Variants in ZNF761 observed in about 807,000 individuals in gnomAD.
ZNF761 encodes zinc finger protein 761.
A neutral mutation model predicts 59.9 loss-of-function variants in ZNF761; 43 were observed. The observed-to-expected ratio is 0.72, with a 90% CI of 0.56 to 0.92. ZNF761 has a LOEUF of 0.92. Ranked by LOEUF, ZNF761 falls within the 40% of genes least tolerant of loss-of-function variation. ZNF761 has a pLI of 0.00. For missense variants in ZNF761, 850 were observed against 906.1 expected (o/e 0.94, Z 0.79); for synonymous variants, 294 against 304.8 (o/e 0.96, Z 0.37).
Position 53,457,031 on chromosome 19 carries a change from C to T in ZNF761, c.*283C>T. 3 of 631,104 alleles carry T rather than the reference C, an allele frequency of 4.8e-6. No individual in the cohort carries two copies. The highest frequency in any genetic ancestry group is 3.4e-5 in the East Asian group (1 of 29,294). 39.1% of individuals were successfully genotyped at this position (631,104 alleles called of 1,614,324 possible). A position where few individuals can be genotyped will look rare whatever the true frequency, so the allele number is the denominator to read the frequency against. ...ACAAGGCTTTTGGGCATGATTCGCA[C>T]CTGGCACAACATGCTAGAATTCACA... On this transcript the variant is annotated 3_prime_UTR_variant, in exon 5 of 5. Transcript: ENST00000684525.
chr19:53,449,866 G>A lies in ZNF761; in HGVS notation c.142+228G>A, dbSNP rs2086201460. 3.5e-5 allele frequency: 35 copies of A among 999,880 alleles called. No homozygotes were observed. In the South Asian group the frequency reaches 5.7e-4, roughly 16 times the overall value. The allele number at this position is 999,880 out of a possible 1,614,324, so 61.9% of individuals were successfully genotyped here. On this transcript the variant is annotated intron_variant, in intron 4 of 4. Transcript: ENST00000684525. ...CATGTTTGGGCAAATTTTTTAGTTT[G>A]TTTTCTTTCCAGACAGGGTCTTGCT...
intron 1 of ZNF761, among the ~76,000 whole-genome samples, chr19:53,435,395 C>T (rs1249315081): frequency 7.0e-6 from 1 of 141,968 alleles, no homozygotes; most frequent in African/African-American, 2.7e-5. Context: ...ACCTCCACCT[C>T]CTGGGTTCAA....
At chr19:53,453,148 C>G (rs896355687) in intron 4 of ZNF761, among the ~76,000 whole-genome samples, 1 of 152,048 alleles carries the variant, frequency 6.6e-6, no homozygotes, top group East Asian at 1.9e-4. Flanking sequence ...ATTACAGGCA[C>G]CCACCACCAC....
intron 3 of ZNF761, 112 bp from the exon 4 acceptor site, chr19:53,449,400 G>A: frequency 6.2e-7 from 1 of 1,606,734 alleles, no homozygotes; most frequent in Non-Finnish European, 8.5e-7. Flanking sequence ...ACTCAGATTT[G>A]TTAGAACATT....
chr19:53,432,912 C>T (rs2085988199), intron 1 of ZNF761, among the ~76,000 whole-genome samples: 1 of 151,528 alleles, frequency 6.6e-6, no homozygotes, highest in Non-Finnish European at 1.5e-5. Context: ...GGAGGCTCAT[C>T]AGGGTGAGGG....
At chr19:53,444,565 G>A (rs8102929) in intron 1 of ZNF761, 124,256 of 152,116 alleles carry the variant, frequency 0.82, 50,874 homozygotes, top group South Asian at 0.88. Context: ...TCACTGAGAT[G>A]GTAGAGAGAG....
intron 1 of ZNF761, among the ~76,000 whole-genome samples, chr19:53,434,728 G>A (rs2086019005): frequency 6.6e-6 from 1 of 152,194 alleles, no homozygotes; most frequent in South Asian, 2.1e-4. Flanking sequence ...TTCGGGGGAA[G>A]AGTCAGTTAG....
chr19:53,432,057 C>T (rs1241594566), intron 1 of ZNF761, 29 bp downstream of exon 1: 1 of 152,574 alleles, frequency 6.6e-6, no homozygotes, highest in Non-Finnish European at 1.5e-5. Context: ...TGTATTAAGT[C>T]TGCTCTTCCA....
Position 53,456,237 on chromosome 19 carries a change from C to A in ZNF761, c.1730C>A (p.Pro577His), listed in dbSNP as rs1168350460. The change falls in exon 5 of 5, where the codon CCT becomes CAT. Residue 577 changes from proline to histidine, a missense_variant. Transcript: ENST00000684525. ...RHRRLHSGEN[P>H]YKCEDSDKAY... ...CGTAGACTTCATAGTGGAGAGAACC[C>A]TTACAAATGTGAAGATAGTGACAAA... 1 of 1,613,832 alleles carries A rather than the reference C, an allele frequency of 6.2e-7. No homozygotes were observed. Among genetic ancestry groups the A allele is most frequent in the East Asian group, 2.2e-5 (1 of 44,844 alleles).
At chr19:53,449,900 G>A (rs755594003) in intron 4 of ZNF761, 1 of 724,278 alleles carries the variant, frequency 1.4e-6, no homozygotes, top group Non-Finnish European at 2.1e-6. Context: ...CTGTGTTGTT[G>A]AAATTCATCT....
intron 1 of ZNF761, among the ~76,000 whole-genome samples, chr19:53,441,515 C>T (rs143719935): frequency 0.017 from 2,468 of 149,418 alleles, 29 homozygotes; most frequent in African/African-American, 0.024. Context: ...GGCATGATGT[C>T]GGTTCACTGC....
chr19:53,446,102 G>A (rs1010377878), intron 1 of ZNF761, 125 bp from the exon 2 acceptor site: 37 of 162,698 alleles, frequency 2.3e-4, no homozygotes, highest in Admixed American at 2.2e-3. Context: ...GCTCAGAGAT[G>A]TCTCCCATGC....
rs541206407 is a variant in ZNF761, at chr19:53,442,252, G to A, written c.-184-3975G>A. 3.1e-4 allele frequency: 398 copies of A among 1,293,064 alleles called. 2 individuals carry two copies. In the African/African-American group the frequency reaches 5.2e-3, roughly 17 times the overall value. 80.1% of individuals were successfully genotyped at this position (1,293,064 alleles called of 1,614,324 possible). On this transcript the variant is annotated intron_variant, in intron 1 of 4. Coordinates refer to ENST00000684525, the MANE Select transcript of ZNF761 (RefSeq NM_001289951.2). ...GATGGGAAGTATGAAGAGGTGGCTC[G>A]TAAGTTGGTGATCATTGAAGGAGAC...
At chr19:53,449,818 T>G (rs60455861) in intron 4 of ZNF761, 180 bp downstream of exon 4, 312,374 of 1,387,436 alleles carry the variant, frequency 0.23, 36,539 homozygotes, top group African/African-American at 0.41. Context: ...CCTCCCCCGG[T>G]AGCTGGTACA....
chr19:53,439,162 C>G (rs1245195089), intron 1 of ZNF761, among the ~76,000 whole-genome samples: 1 of 151,334 alleles, frequency 6.6e-6, no homozygotes, highest in African/African-American at 2.4e-5. Context: ...TCCCAGCTAC[C>G]CAGGAGGCAA....
chr19:53,439,558 G>C (rs1242451814), intron 1 of ZNF761, among the ~76,000 whole-genome samples: 1 of 152,094 alleles, frequency 6.6e-6, no homozygotes, highest in African/African-American at 2.4e-5. Context: ...ACTGGTGCCA[G>C]ACAGATAACA....
At chr19:53,437,408 A>G (rs575580982) in intron 1 of ZNF761, among the ~76,000 whole-genome samples, 46 of 152,150 alleles carry the variant, frequency 3.0e-4, no homozygotes, top group Non-Finnish European at 5.7e-4. Flanking sequence ...TCACAAACTT[A>G]GGAGCTAACA....
Position 53,455,958 on chromosome 19 carries a change from A to T in ZNF761, c.1451A>T (p.His484Leu). ...AFRFKSNLERHRRIHTGEKPY... is the reference protein window; with the variant it reads ...AFRFKSNLERLRRIHTGEKPY... ...CGTTTCAAATCAAACCTTGAAAGAC[A>T]TAGGAGAATTCATACTGGAGAGAAA... is the stretch of plus-strand genomic sequence containing the variant. The change falls in exon 5 of 5, where the codon CAT (histidine) becomes CTT (leucine). Residue 484 changes from histidine (H) to leucine (L), a missense_variant. Coordinates refer to ENST00000684525, the MANE Select transcript of ZNF761 (RefSeq NM_001289951.2). 6.2e-7 allele frequency: 1 copy of T among 1,613,868 alleles called. No individual in the cohort carries two copies. The highest frequency in any genetic ancestry group is 8.5e-7 in the Non-Finnish European group (1 of 1,179,946).
Position 53,457,100 on chromosome 19 carries a change from TA to T in ZNF761, c.*353del. 1.7e-6 allele frequency: 1 copy of T among 589,106 alleles called. No homozygotes were observed. 36.5% of individuals were successfully genotyped at this position (589,106 alleles called of 1,614,324 possible). A position where few individuals can be genotyped will look rare whatever the true frequency, so the allele number is the denominator to read the frequency against. Reference sequence around the variant, plus strand: ...AGTGTAATGAGTGTGGCAAAGCCTTTAGTAGGCAGTCAACACTTGTTTACCG... The same window carrying T: ...AGTGTAATGAGTGTGGCAAAGCCTTTGTAGGCAGTCAACACTTGTTTACCG... On this transcript the variant is annotated 3_prime_UTR_variant, in exon 5 of 5. Transcript: ENST00000684525.
Sources: allele counts gnomAD v4.1 joint callset (sites outside exome capture counted in the v4.1 genomes callset), GRCh38; gene constraint gnomAD v4.1.1; transcripts MANE v1.5; gene names NCBI Gene and HGNC (gene_info 2026-07-23, HGNC 2026-07-21).